Variants in RPN2 observed in about 807,000 individuals in gnomAD.
RPN2 encodes ribophorin II.
In RPN2, 29 loss-of-function variants were observed where a neutral mutation model predicts 71.4. The observed-to-expected ratio is 0.41, with a 90% CI of 0.30 to 0.55. The LOEUF (loss-of-function observed/expected upper bound fraction) is 0.55, where lower values mean the gene tolerates loss of function less well. RPN2 is among the 20% of genes least tolerant of loss of function. RPN2 has a pLI of 0.35. For synonymous variants in RPN2, 308 were observed against 305.0 expected, an observed-to-expected ratio of 1.01 and a Z score of -0.10; for missense variants, 726 against 774.1, an observed-to-expected ratio of 0.94 and a Z score of 0.74.
In RPN2 at chr20:37,234,054, C is replaced by G. The variant is rs2068318310; in HGVS notation, c.1712C>G (p.Thr571Ser). 1 of 1,614,114 alleles carries G rather than the reference C, an allele frequency of 6.2e-7. No individual in the cohort carries two copies. Among genetic ancestry groups the G allele is most frequent in the South Asian group, 1.1e-5 (1 of 91,084 alleles). The change falls in exon 15 of 17, where the codon ACT becomes AGT. Residue 571 changes from threonine (T) to serine (S), a missense_variant. Coordinates refer to ENST00000237530, the MANE Select transcript of RPN2 (RefSeq NM_002951.5). ...IRIGANVSNFTFAPSTIIFHL... is the reference protein window; with the variant it reads ...IRIGANVSNFSFAPSTIIFHL... Reference sequence around the variant, plus strand: ...ATTGGTGCCAATGTCTCCAACTTCACTTTTGCTCCTAGCACGATTATATTT... The same window carrying G: ...ATTGGTGCCAATGTCTCCAACTTCAGTTTTGCTCCTAGCACGATTATATTT...
chr20:37,189,311 CTGTGTGTGTGTATGTGTGTGTG>C (rs1373620868), intron 2 of RPN2, among the ~76,000 whole-genome samples: 1,845 of 115,286 alleles, frequency 0.016, 20 homozygotes, highest in Middle Eastern at 0.046. Context: ...ATGGGCCAAA[CTGTGTGTGTGTATGTGTGTGTG>C]TGTGTGTGTG....
At chr20:37,238,161 G>A (rs551287800) in intron 16 of RPN2, among the ~76,000 whole-genome samples, 1 of 152,302 alleles carries the variant, frequency 6.6e-6, no homozygotes, top group East Asian at 1.9e-4. Flanking sequence ...GAGAGACTAT[G>A]GTTTTTATCA....
At chr20:37,238,198 C>T in intron 16 of RPN2, among the ~76,000 whole-genome samples, 1 of 152,174 alleles carries the variant, frequency 6.6e-6, no homozygotes, top group South Asian at 2.1e-4. Context: ...AGTAACTCCT[C>T]CCTCTCCCCT....
intron 5 of RPN2, 129 bp from the exon 6 acceptor site, chr20:37,204,638 G>T: frequency 9.9e-7 from 1 of 1,014,854 alleles, no homozygotes; most frequent in South Asian, 1.3e-5. Context: ...AGTATGAAGT[G>T]ACTGAGATGG....
chr20:37,231,289 C>T (rs1415673357), intron 13 of RPN2, among the ~76,000 whole-genome samples: 1 of 151,972 alleles, frequency 6.6e-6, no homozygotes, highest in African/African-American at 2.4e-5. Flanking sequence ...CAGAATCCCA[C>T]ACCATTGCTG....
rs575407563 is a variant in RPN2 at position 37,199,192 on chromosome 20, C to A, written c.446C>A (p.Thr149Asn). The A allele has an allele frequency of 3.5e-5, 56 of 1,614,182 alleles. 1 individual carries two copies. In the South Asian group the frequency reaches 5.9e-4, roughly 17 times the overall value. The change falls in exon 4 of 17, where the codon ACT becomes AAT. Residue 149 changes from threonine to asparagine, a missense_variant. By Grantham distance (65) the Thr-to-Asn change is moderately conservative. Coordinates refer to ENST00000237530, the MANE Select transcript of RPN2 (RefSeq NM_002951.5). Reference sequence around the variant, plus strand: ...TCCCAAGAAGCACTCAGTGCCCTTACTGCTCGTCTCAGCAAGGAGGAGACT... The same window carrying A: ...TCCCAAGAAGCACTCAGTGCCCTTAATGCTCGTCTCAGCAAGGAGGAGACT... ...LASQEALSALTARLSKEETVL... is the reference protein window; with the variant it reads ...LASQEALSALNARLSKEETVL...
chr20:37,211,644 TTA>T (rs2067670535), intron 8 of RPN2, among the ~76,000 whole-genome samples: 1 of 61,960 alleles, frequency 1.6e-5, no homozygotes, highest in Non-Finnish European at 3.9e-5. Context: ...TCCATCTCTA[TTA>T]AAAAAAAAAA....
At chr20:37,182,764 C>T (rs1193794567) in intron 1 of RPN2, among the ~76,000 whole-genome samples, 1 of 152,120 alleles carries the variant, frequency 6.6e-6, no homozygotes. Flanking sequence ...TTTAGGGCCA[C>T]TCATGTTAGC....
chr20:37,184,425 C>T (rs1370472545), intron 2 of RPN2, 52 bp downstream of exon 2: 2 of 1,415,512 alleles, frequency 1.4e-6, no homozygotes, highest in Non-Finnish European at 2.0e-6. Context: ...AACCTTCATC[C>T]CCTCACTATA....
rs1233328909 is a variant in RPN2, at chr20:37,209,670, C to T, written c.868-377C>T. On this transcript the variant is annotated intron_variant, in intron 7 of 16. Transcript: ENST00000237530. Reference sequence around the variant, plus strand: ...AAACTTTTTTTTTTTTTGGTAGAAACGAGGTCTTGCCATGTTGCCCACGCT... The same window carrying T: ...AAACTTTTTTTTTTTTTGGTAGAAATGAGGTCTTGCCATGTTGCCCACGCT... Among the ~76,000 whole-genome samples, 9 of 149,880 alleles carry T rather than the reference C, an allele frequency of 6.0e-5. No individual in the cohort carries two copies. The East Asian group carries it at 1.4e-3, about 23-fold the overall frequency.
chr20:37,199,260 T>C, intron 4 of RPN2, 35 bp downstream of exon 4: 1 of 1,609,910 alleles, frequency 6.2e-7, no homozygotes, highest in Non-Finnish European at 8.5e-7. Flanking sequence ...TCAGGCTTCA[T>C]TTGTCTCGGG....
Position 37,241,283 on chromosome 20 carries a change from T to C in RPN2, c.1884-20T>C, listed in dbSNP as rs1168494216. The C allele has an allele frequency of 6.2e-7, 1 of 1,612,320 alleles. No homozygotes were observed. Among genetic ancestry groups the C allele is most frequent in the East Asian group, 2.2e-5 (1 of 44,842 alleles). Reference sequence around the variant, plus strand: ...ACTGAAACCTTCAGTAATTCTGTGTTTGTCTCCATTTTCTTTCAGAACAGC... The same window carrying C: ...ACTGAAACCTTCAGTAATTCTGTGTCTGTCTCCATTTTCTTTCAGAACAGC... On this transcript the variant is annotated intron_variant, in intron 16 of 16. Transcript: ENST00000237530.
intron 16 of RPN2, among the ~76,000 whole-genome samples, chr20:37,239,125 C>T (rs1023179072): frequency 2.6e-5 from 4 of 152,200 alleles, no homozygotes; most frequent in South Asian, 2.1e-4. Flanking sequence ...TGATCTGCTC[C>T]GCTAGACCAG....
At chr20:37,191,677 T>A (rs1450074718) in intron 2 of RPN2, among the ~76,000 whole-genome samples, 1 of 151,734 alleles carries the variant, frequency 6.6e-6, no homozygotes, top group Non-Finnish European at 1.5e-5. Context: ...TTTTTGAGAC[T>A]CTGTCTCAAA....
At position 37,230,076 on chromosome 20, in the gene RPN2, C is replaced by G. The variant is rs750280138; in HGVS notation, c.1581+17C>G. 7 of 1,592,484 alleles carry G rather than the reference C, an allele frequency of 4.4e-6. No individual in the cohort carries two copies. Among genetic ancestry groups the G allele is most frequent in the Non-Finnish European group, 5.2e-6 (6 of 1,160,290 alleles). ...GAAATTCAGGTATATCCCAAAGGGC[C>G]TATCCACTAAACGTGGGAGAAGAGA... On this transcript the variant is annotated intron_variant, in intron 13 of 16. Coordinates refer to ENST00000237530, the MANE Select transcript of RPN2 (RefSeq NM_002951.5).
intron 8 of RPN2, 59 bp from the exon 9 acceptor site, chr20:37,213,701 T>A: frequency 7.7e-7 from 1 of 1,302,474 alleles, no homozygotes; most frequent in Non-Finnish European, 1.1e-6. Flanking sequence ...AGCTCCTGTT[T>A]GTTATATCCA....
At chr20:37,235,045 C>T (rs1479998737) in intron 15 of RPN2, among the ~76,000 whole-genome samples, 1 of 152,114 alleles carries the variant, frequency 6.6e-6, no homozygotes, top group Non-Finnish European at 1.5e-5. Context: ...CCATAGTAAA[C>T]AGATTCTGTA....
chr20:37,233,623 G>A (rs928526370), intron 14 of RPN2, among the ~76,000 whole-genome samples: 5 of 152,220 alleles, frequency 3.3e-5, no homozygotes, highest in Non-Finnish European at 7.3e-5. Context: ...CGGCAAGAGC[G>A]TGAATGCCAC....
At chr20:37,211,940 G>T (rs1231039996) in intron 8 of RPN2, among the ~76,000 whole-genome samples, 2 of 152,022 alleles carry the variant, frequency 1.3e-5, no homozygotes, top group African/African-American at 4.8e-5. Flanking sequence ...GTTTTACCAT[G>T]TTGGCCAGGC....
Sources: gnomAD v4.1 joint callset for allele counts (sites outside exome capture counted in the v4.1 genomes callset) on GRCh38, gnomAD v4.1.1 for gene constraint, MANE v1.5 for transcripts, NCBI Gene and HGNC (gene_info 2026-07-23, HGNC 2026-07-21) for gene names.